The following CLDN10 variants were observed in gnomAD, a reference collection of about 807,000 sequenced individuals.
CLDN10 encodes the protein claudin 10, also known as claudin-10.
A neutral mutation model predicts 22.9 loss-of-function variants in CLDN10; 15 were observed. The ratio of observed to expected loss-of-function variants is 0.65; its 90% CI spans 0.44 to 1.01. CLDN10 has a LOEUF of 1.01. Ranked by LOEUF, CLDN10 falls within the 50% of genes least tolerant of loss-of-function variation. The pLI, the probability that CLDN10 is intolerant of heterozygous loss-of-function variation, is 0.00. For synonymous variants in CLDN10, 114 were observed against 111.4 expected, an observed-to-expected ratio of 1.02 and a Z score of -0.15; for missense variants, 247 against 287.8, an observed-to-expected ratio of 0.86 and a Z score of 1.03.
At chr13:95,499,700 G>A (rs1323644811) in intron 1 of CLDN10, among the ~76,000 whole-genome samples, 1 of 152,172 alleles carries the variant, frequency 6.6e-6, no homozygotes. Flanking sequence ...AGTCTGGGAG[G>A]GAAACTGCCT....
intron 1 of CLDN10, among the ~76,000 whole-genome samples, chr13:95,509,655 A>C (rs2043075027): frequency 6.6e-6 from 1 of 152,210 alleles, no homozygotes; most frequent in African/African-American, 2.4e-5. Flanking sequence ...CAGCACTCAT[A>C]TAGTAAGAGC....
chr13:95,559,910 A>G (rs554615208), intron 1 of CLDN10, among the ~76,000 whole-genome samples: 1 of 152,320 alleles, frequency 6.6e-6, no homozygotes, highest in East Asian at 1.9e-4. Flanking sequence ...ACTCAGATCT[A>G]TCCTGAGGAT....
chr13:95,476,031 C>T (rs2042683179), intron 1 of CLDN10, among the ~76,000 whole-genome samples: 2 of 152,272 alleles, frequency 1.3e-5, no homozygotes, highest in African/African-American at 4.8e-5. Flanking sequence ...TGCTTCCTTC[C>T]GTGTGCCACT....
intron 1 of CLDN10, among the ~76,000 whole-genome samples, chr13:95,512,644 T>C (rs560674343): frequency 5.1e-4 from 77 of 152,210 alleles, no homozygotes; most frequent in Non-Finnish European, 9.8e-4. Context: ...CCCTGTGCCA[T>C]GTCCCCCAGT....
intron 1 of CLDN10, among the ~76,000 whole-genome samples, chr13:95,456,439 A>G (rs1339653315): frequency 6.6e-6 from 1 of 152,108 alleles, no homozygotes; most frequent in African/African-American, 2.4e-5. Flanking sequence ...GAATATTCAA[A>G]TATGTATTTA....
intron 1 of CLDN10, among the ~76,000 whole-genome samples, chr13:95,449,213 C>A (rs1482804005): frequency 1.3e-5 from 2 of 152,164 alleles, no homozygotes; most frequent in Admixed American, 6.5e-5. Context: ...AGCTTTACTA[C>A]CGACCTAGTG....
At chr13:95,551,069 G>C (rs1247461835), upstream of CLDN10, among the ~76,000 whole-genome samples, 1 of 151,936 alleles carries the variant, frequency 6.6e-6, no homozygotes, top group African/African-American at 2.4e-5. Context: ...AGAACAGTAG[G>C]GTAACCATGT....
At chr13:95,442,417 G>T (rs1216013685) in intron 1 of CLDN10, among the ~76,000 whole-genome samples, 1 of 152,186 alleles carries the variant, frequency 6.6e-6, no homozygotes, top group Non-Finnish European at 1.5e-5. Context: ...TTTTCATGAT[G>T]TAAAGGATAT....
chr13:95,561,600 G>C (rs2043713601), intron 3 of CLDN10, among the ~76,000 whole-genome samples: 1 of 152,120 alleles, frequency 6.6e-6, no homozygotes. Context: ...ATGTGTTCAA[G>C]GGAACTTGGA....
chr13:95,517,005 TCCTTCCTTCCTTCCTTCCTC>T (rs1453545006), intron 1 of CLDN10, among the ~76,000 whole-genome samples: 2 of 91,956 alleles, frequency 2.2e-5, no homozygotes, highest in African/African-American at 6.5e-5. Flanking sequence ...CTTCCTTCCT[TCCTTCCTTCCTTCCTTCCTC>T]CCTCCCTCTC....
chr13:95,445,949 C>T (rs754456298), intron 1 of CLDN10, among the ~76,000 whole-genome samples: 54 of 152,190 alleles, frequency 3.5e-4, no homozygotes, highest in Non-Finnish European at 5.9e-4. Context: ...TGAACATAAA[C>T]CAATTCATTG....
chr13:95,521,820 A>G (rs1273061451), intron 1 of CLDN10, among the ~76,000 whole-genome samples: 1 of 152,012 alleles, frequency 6.6e-6, no homozygotes, highest in Non-Finnish European at 1.5e-5. Flanking sequence ...AAAGATTTAA[A>G]TTGCCTCTCT....
chr13:95,435,801 G>A (rs965261940), intron 1 of CLDN10, among the ~76,000 whole-genome samples: 1 of 151,690 alleles, frequency 6.6e-6, no homozygotes, highest in African/African-American at 2.4e-5. Flanking sequence ...TTTTAATTGG[G>A]TTCATTTTTT....
chr13:95,569,279 C>G (rs1285433246), intron 3 of CLDN10, among the ~76,000 whole-genome samples: 3 of 152,078 alleles, frequency 2.0e-5, no homozygotes, highest in African/African-American at 7.2e-5. Flanking sequence ...TTGAAGGGGA[C>G]CTAGCATGAA....
chr13:95,528,923 T>C (rs530579236), intron 1 of CLDN10, among the ~76,000 whole-genome samples: 1 of 152,330 alleles, frequency 6.6e-6, no homozygotes, highest in African/African-American at 2.4e-5. Flanking sequence ...TTGAACATAG[T>C]ATGAATTGGT....
intron 1 of CLDN10, among the ~76,000 whole-genome samples, chr13:95,480,254 T>C (rs1050218674): frequency 6.6e-6 from 1 of 152,318 alleles, no homozygotes; most frequent in South Asian, 2.1e-4. Flanking sequence ...GTAGGAGCTA[T>C]AATTCAAAAT....
At chr13:95,556,639 G>A (rs1041816247) in intron 1 of CLDN10, among the ~76,000 whole-genome samples, 23 of 152,260 alleles carry the variant, frequency 1.5e-4, no homozygotes, top group Non-Finnish European at 2.6e-4. Context: ...AAGAGATTAG[G>A]TCCTATAACC....
At chr13:95,522,018 C>A (rs1449006950) in intron 1 of CLDN10, among the ~76,000 whole-genome samples, 1 of 151,790 alleles carries the variant, frequency 6.6e-6, no homozygotes, top group East Asian at 1.9e-4. Flanking sequence ...CCTCCTTTTT[C>A]TTTCATGATA....
At chr13:95,472,811 G>A (rs1244266046) in intron 1 of CLDN10, among the ~76,000 whole-genome samples, 2 of 151,986 alleles carry the variant, frequency 1.3e-5, no homozygotes, top group Admixed American at 6.6e-5. Context: ...TGACCACAGA[G>A]TTCCACTTGG....
Sources: gnomAD v4.1 joint callset for allele counts (sites outside exome capture counted in the v4.1 genomes callset) on GRCh38, gnomAD v4.1.1 for gene constraint, MANE v1.5 for transcripts, NCBI Gene and HGNC (gene_info 2026-07-23, HGNC 2026-07-21) for gene names.